ATOSA: variants seen among roughly 807,000 people sequenced by gnomAD.
ATOSA encodes atos homolog protein A.
chr15:52,636,094 T>G, the ATOSA span, among the ~76,000 whole-genome samples: 7 of 140,670 alleles, frequency 5.0e-5, no homozygotes, highest in Non-Finnish European at 1.1e-4. Context: ...AATAATAAAA[T>G]TAAATATTAA....
the ATOSA span, among the ~76,000 whole-genome samples, chr15:52,690,700 C>T: frequency 6.6e-6 from 1 of 152,184 alleles, no homozygotes. Flanking sequence ...CATTTATATG[C>T]TAGCATTTTG....
chr15:52,697,277 C>T, the ATOSA span, among the ~76,000 whole-genome samples: 1 of 152,212 alleles, frequency 6.6e-6, no homozygotes, highest in Non-Finnish European at 1.5e-5. Context: ...CAAAGACTTC[C>T]CTTCTTCCAA....
the ATOSA span, among the ~76,000 whole-genome samples, chr15:52,682,527 G>A: frequency 1.3e-5 from 2 of 152,178 alleles, no homozygotes; most frequent in Non-Finnish European, 2.9e-5. Flanking sequence ...TAATTCTGTA[G>A]AAGTTAACAG....
the ATOSA span, among the ~76,000 whole-genome samples, chr15:52,642,352 G>C: frequency 6.6e-6 from 1 of 152,178 alleles, no homozygotes; most frequent in Admixed American, 6.5e-5. Context: ...AACTAGCCCT[G>C]AGACCTTGGG....
At chr15:52,593,628 C>T in the ATOSA span, 4 of 1,570,742 alleles carry the variant, frequency 2.5e-6, no homozygotes, top group Non-Finnish European at 3.5e-6. Flanking sequence ...AATGACACTT[C>T]AACTGGAAGA....
the ATOSA span, among the ~76,000 whole-genome samples, chr15:52,596,646 G>T: frequency 6.6e-6 from 1 of 152,136 alleles, no homozygotes; most frequent in Non-Finnish European, 1.5e-5. Flanking sequence ...AGGCATGGGG[G>T]TACTATTGGA....
chr15:52,598,213 G>A, the ATOSA span, among the ~76,000 whole-genome samples: 1 of 152,190 alleles, frequency 6.6e-6, no homozygotes, highest in South Asian at 2.1e-4. Flanking sequence ...TAGCTGATGA[G>A]CTTAAAAAAA....
At chr15:52,653,182 T>C in the ATOSA span, among the ~76,000 whole-genome samples, 3 of 152,156 alleles carry the variant, frequency 2.0e-5, no homozygotes, top group African/African-American at 7.2e-5. Flanking sequence ...CAGATCTTTG[T>C]TTATCTTGAG....
the ATOSA span, among the ~76,000 whole-genome samples, chr15:52,613,070 T>C: frequency 2.6e-5 from 4 of 151,920 alleles, no homozygotes; most frequent in Admixed American, 6.6e-5. Context: ...AGGGCTGAGA[T>C]TCTCAAAATA....
the ATOSA span, among the ~76,000 whole-genome samples, chr15:52,612,847 T>C: frequency 6.6e-6 from 1 of 151,964 alleles, no homozygotes; most frequent in Non-Finnish European, 1.5e-5. Context: ...TGGATCACAT[T>C]TGAGAAACTA....
chr15:52,671,384 C>T, the ATOSA span, among the ~76,000 whole-genome samples: 1 of 152,152 alleles, frequency 6.6e-6, no homozygotes, highest in African/African-American at 2.4e-5. Flanking sequence ...TATTGCTACC[C>T]AGCTGCTCCT....
the ATOSA span, among the ~76,000 whole-genome samples, chr15:52,676,077 G>C: frequency 6.6e-6 from 1 of 152,024 alleles, no homozygotes; most frequent in Non-Finnish European, 1.5e-5. Context: ...AATAAAAAAA[G>C]ATAGGCTGAG....
the ATOSA span, among the ~76,000 whole-genome samples, chr15:52,591,975 T>C: frequency 1.3e-5 from 2 of 152,224 alleles, no homozygotes; most frequent in East Asian, 3.9e-4. Flanking sequence ...CTGCTTTTTC[T>C]ATCAAAGTGT....
chr15:52,643,581 C>A, the ATOSA span, among the ~76,000 whole-genome samples: 2 of 150,402 alleles, frequency 1.3e-5, no homozygotes, highest in African/African-American at 5.0e-5. Context: ...CAGTACCTGG[C>A]CTTGAACTCT....
chr15:52,582,032 C>G, the ATOSA span: 1 of 733,296 alleles, frequency 1.4e-6, no homozygotes. Context: ...TTCATAAAAA[C>G]TGGTCCAGGA....
the ATOSA span, among the ~76,000 whole-genome samples, chr15:52,607,208 T>C: frequency 6.6e-6 from 1 of 152,178 alleles, no homozygotes; most frequent in African/African-American, 2.4e-5. Flanking sequence ...CTCAGGTGTT[T>C]TGACCAGTAA....
At chr15:52,586,046 CAA>C in the ATOSA span, 2 of 152,306 alleles carry the variant, frequency 1.3e-5, no homozygotes, top group African/African-American at 2.4e-5. Flanking sequence ...AGTCTCCAAA[CAA>C]GAGGTGAATG....
the ATOSA span, among the ~76,000 whole-genome samples, chr15:52,598,887 G>A: frequency 1.3e-5 from 2 of 152,034 alleles, no homozygotes; most frequent in African/African-American, 2.4e-5. Flanking sequence ...AGGTTCTTAC[G>A]AGATCCGGTT....
chr15:52,668,217 T>C, the ATOSA span, among the ~76,000 whole-genome samples: 5 of 152,158 alleles, frequency 3.3e-5, no homozygotes, highest in South Asian at 2.1e-4. Context: ...TGGAATACTA[T>C]AGAGCCACAA....
Sources: gnomAD v4.1 joint callset for allele counts (sites outside exome capture counted in the v4.1 genomes callset) on GRCh38, gnomAD v4.1.1 for gene constraint, MANE v1.5 for transcripts, NCBI Gene and HGNC (gene_info 2026-07-23, HGNC 2026-07-21) for gene names.